The following MIOS variants were observed in gnomAD, a reference collection of about 807,000 sequenced individuals.
MIOS encodes the protein GATOR2 complex protein MIOS.
A neutral mutation model predicts 96.9 loss-of-function variants in MIOS; 52 were observed. The ratio of observed to expected loss-of-function variants is 0.54; its 90% CI spans 0.43 to 0.68. The LOEUF is 0.68. Ranked by LOEUF, MIOS falls within the 30% of genes least tolerant of loss-of-function variation. The pLI, the probability that MIOS is intolerant of heterozygous loss-of-function variation, is 0.00. For missense variants in MIOS, 1,005 were observed against 1,052.8 expected, an observed-to-expected ratio of 0.95 and a Z score of 0.63; for synonymous variants, 397 against 359.5, an observed-to-expected ratio of 1.10 and a Z score of -1.18.
rs376793069 is a variant in MIOS, at chr7:7,595,037, A to T, written c.2101A>T (p.Arg701Ter). The stretch of plus-strand genomic sequence containing the variant: ...GGTTCAGTACTGGATTGAGAATTAT[A>T]GAAATTTATTAGATGCCTGGAGGTT... ...ERVQYWIENY[R>*]NLLDAWRFWH... The change falls in exon 10 of 13, where the codon AGA becomes TGA. Residue 701 changes from arginine to a stop codon, truncating the protein, a stop_gained. Coordinates refer to ENST00000340080, the MANE Select transcript of MIOS (RefSeq NM_019005.4). LOFTEE classifies it high-confidence loss of function. 1 of 1,613,772 alleles carries T rather than the reference A, an allele frequency of 6.2e-7. No individual in the cohort carries two copies. Among genetic ancestry groups the T allele is most frequent in the Non-Finnish European group, 8.5e-7 (1 of 1,179,806 alleles).
At chr7:7,593,879 CAAAAAAAAAAA>C (rs35986278) in intron 9 of MIOS, among the ~76,000 whole-genome samples, 1 of 47,864 alleles carries the variant, frequency 2.1e-5, no homozygotes, top group African/African-American at 6.6e-5. Context: ...ACTCTGTCTC[CAAAAAAAAAAA>C]AAAAAGAAAA....
rs775264214 is a variant in MIOS, at chr7:7,572,817, A to G, written c.342A>G (p.Arg114=). ...AAGAGTTTGTTCCAAAACATGCACG[A>G]CAATGTAATACCCTTGCCTGGAATC... ...IGKEFVPKHA[R]QCNTLAWNPL... The change falls in exon 4 of 13, where the codon CGA becomes CGG. Residue 114 remains arginine, a synonymous_variant. Coordinates refer to ENST00000340080, the MANE Select transcript of MIOS (RefSeq NM_019005.4). This position sits in a 1 kb window ranked among gnomAD's most constrained non-coding sequence, Gnocchi z 4.8. 1.2e-6 allele frequency: 2 copies of G among 1,614,174 alleles called. No homozygotes were observed. The highest frequency in any genetic ancestry group is 1.7e-6 in the Non-Finnish European group (2 of 1,180,006).
chr7:7,574,075 G>C, intron 4 of MIOS, 23 bp from the exon 5 acceptor site: 1 of 1,501,792 alleles, frequency 6.7e-7, no homozygotes, highest in Admixed American at 1.9e-5. Context: ...TGCATCACTA[G>C]TATTTCCTAT....
In MIOS at chr7:7,572,895, T is replaced by C. The variant is rs1432422069; in HGVS notation, c.420T>C (p.Phe140=). 4 of 1,614,196 alleles carry C rather than the reference T, an allele frequency of 2.5e-6. No individual in the cohort carries two copies. The highest frequency in any genetic ancestry group is 3.4e-6 in the Non-Finnish European group (4 of 1,180,008). Residue 140 remains phenylalanine, a synonymous_variant, in exon 4 of 13, where the codon TTT becomes TTC. Coordinates refer to ENST00000340080, the MANE Select transcript of MIOS (RefSeq NM_019005.4). This position sits in a 1 kb window ranked among gnomAD's most constrained non-coding sequence, Gnocchi z 4.8. ...AAGLDKHRAD[F]SVLIWDICSK... is the part of the protein sequence containing the mutation. ...GTTTAGATAAGCACAGAGCTGACTT[T>C]TCAGTGCTAATATGGGATATCTGCA...
intron 9 of MIOS, among the ~76,000 whole-genome samples, chr7:7,592,198 A>G (rs1234290675): frequency 6.6e-6 from 1 of 152,162 alleles, no homozygotes. Context: ...TATGTTGGCC[A>G]TGCTGATCTT....
chr7:7,594,976 T>G lies in MIOS; in HGVS notation c.2044-4T>G, dbSNP rs754368542. 19 of 1,589,392 alleles carry G rather than the reference T, an allele frequency of 1.2e-5. No individual in the cohort carries two copies. Among genetic ancestry groups the G allele is most frequent in the Non-Finnish European group, 1.6e-5 (19 of 1,169,482 alleles). The stretch of plus-strand genomic sequence containing the variant: ...AATTGAAATAATTCATGTTTTCGTT[T>G]TAGGGTTCACCTTTAGATGTTCTTA... On this transcript the variant is annotated splice_polypyrimidine_tract_variant and splice_region_variant and intron_variant, in intron 9 of 12. Transcript: ENST00000340080.
intron 11 of MIOS, among the ~76,000 whole-genome samples, chr7:7,600,944 G>A (rs1054568287): frequency 6.6e-6 from 1 of 152,194 alleles, no homozygotes; most frequent in Non-Finnish European, 1.5e-5. Flanking sequence ...CATGGAAACT[G>A]AACAACGTGC....
At chr7:7,579,610 G>T (rs1783647096) in intron 5 of MIOS, among the ~76,000 whole-genome samples, 1 of 152,096 alleles carries the variant, frequency 6.6e-6, no homozygotes, top group Non-Finnish European at 1.5e-5. Context: ...ATTGTCTTGG[G>T]CCACACATAA....
intron 3 of MIOS, among the ~76,000 whole-genome samples, chr7:7,570,551 C>A (rs1052079285): frequency 6.6e-6 from 1 of 151,898 alleles, no homozygotes; most frequent in African/African-American, 2.4e-5. Flanking sequence ...TTGTACTATA[C>A]AATGAAATAA....
intron 5 of MIOS, among the ~76,000 whole-genome samples, chr7:7,576,877 G>A (rs1783550669): frequency 6.6e-6 from 1 of 152,172 alleles, no homozygotes; most frequent in Admixed American, 6.5e-5. Flanking sequence ...TAAAGGGGTG[G>A]AGAAGATGGA....
chr7:7,570,089 G>C lies in MIOS; in HGVS notation c.-41+1966G>C, dbSNP rs77742176. 4.3e-3 allele frequency among the ~76,000 whole-genome samples: 656 copies of C among 152,262 alleles called. 2 individuals carry two copies. The highest frequency in any genetic ancestry group is 0.015 in the African/African-American group (613 of 41,540). Reference sequence around the variant, plus strand: ...GATTTTTACTCTGGTATTCTATAAAGCAAAATTTCTGAAGGACCAGGGGAA... The same window carrying C: ...GATTTTTACTCTGGTATTCTATAAACCAAAATTTCTGAAGGACCAGGGGAA... On this transcript the variant is annotated intron_variant, in intron 3 of 12. Transcript: ENST00000340080.
At chr7:7,582,194 TTAC>T (rs1187009511) in intron 5 of MIOS, among the ~76,000 whole-genome samples, 2 of 152,160 alleles carry the variant, frequency 1.3e-5, no homozygotes, top group Non-Finnish European at 2.9e-5. Flanking sequence ...CAAAGGTAAA[TTAC>T]TACAAAAAAT....
chr7:7,599,107 A>G (rs1030264567), intron 11 of MIOS, among the ~76,000 whole-genome samples: 3 of 152,284 alleles, frequency 2.0e-5, no homozygotes, highest in Admixed American at 6.5e-5. Flanking sequence ...ATACTGGTCT[A>G]CAATGCCTTA....
chr7:7,591,397 A>G (rs1784045150), intron 9 of MIOS, among the ~76,000 whole-genome samples: 1 of 148,884 alleles, frequency 6.7e-6, no homozygotes. Flanking sequence ...CTCCCACCTC[A>G]GCCTCCCAAG....
chr7:7,573,705 G>C lies in MIOS; in HGVS notation c.1230G>C (p.Trp410Cys), dbSNP rs1427739869. ...SRYGLDTEQV[W>C]RNHILAGNED... ...ATGGACTTGATACAGAGCAGGTGTG[G>C]AGGAACCACATTTTAGCTGGAAATG... Residue 410 changes from tryptophan to cysteine, a missense_variant, in exon 4 of 13, where the codon TGG becomes TGC. Coordinates refer to ENST00000340080, the MANE Select transcript of MIOS (RefSeq NM_019005.4). The surrounding 1 kb of genome is among the most constrained non-coding windows in gnomAD (Gnocchi z 5.0). 1.9e-6 allele frequency: 3 copies of C among 1,612,886 alleles called. No individual in the cohort carries two copies. Among genetic ancestry groups the C allele is most frequent in the Non-Finnish European group, 2.5e-6 (3 of 1,179,432 alleles).
At position 7,589,354 on chromosome 7, in the gene MIOS, A is replaced by G. The variant is rs886706539; in HGVS notation, c.1885-51A>G. On this transcript the variant is annotated intron_variant, in intron 8 of 12. Transcript: ENST00000340080. ...GTTCAAAATGTAGTTTTGAAGTACA[A>G]AATACATAGTGAAACAGATTGCTTT... 3.2e-6 allele frequency: 5 copies of G among 1,546,172 alleles called. No homozygotes were observed. In the Admixed American group the frequency reaches 5.3e-5, roughly 16 times the overall value.
At chr7:7,579,297 A>G (rs1783636484) in intron 5 of MIOS, among the ~76,000 whole-genome samples, 1 of 152,240 alleles carries the variant, frequency 6.6e-6, no homozygotes, top group South Asian at 2.1e-4. Flanking sequence ...CTAAGCAGAA[A>G]AAATATGTGA....
chr7:7,594,212 A>G (rs1264492233), intron 9 of MIOS, among the ~76,000 whole-genome samples: 1 of 152,214 alleles, frequency 6.6e-6, no homozygotes, highest in Non-Finnish European at 1.5e-5. Context: ...AAGTAGATAT[A>G]TAAAAGCAGC....
At position 7,592,132 on chromosome 7, in the gene MIOS, G is replaced by A. The variant is rs552749165; in HGVS notation, c.2043+2569G>A. On this transcript the variant is annotated intron_variant, in intron 9 of 12. Coordinates refer to ENST00000340080, the MANE Select transcript of MIOS (RefSeq NM_019005.4). The stretch of plus-strand genomic sequence containing the variant: ...GCCTCCCGAGTAGCTGGGATTACAG[G>A]CATGTGCCACCACACCTGGCTAATT... 1.2e-4 allele frequency among the ~76,000 whole-genome samples: 19 copies of A among 152,278 alleles called. No individual in the cohort carries two copies. In the East Asian group the frequency reaches 2.1e-3, roughly 17 times the overall value.
Sources: gnomAD v4.1 joint callset for allele counts (sites outside exome capture counted in the v4.1 genomes callset) on GRCh38, gnomAD v4.1.1 for gene constraint, Gnocchi (gnomAD v3.1) non-coding constraint, MANE v1.5 for transcripts, NCBI Gene and HGNC (gene_info 2026-07-23, HGNC 2026-07-21) for gene names.